Variants in NRG3 observed in about 807,000 individuals in gnomAD.
The protein encoded by NRG3 is neuregulin 3.
A neutral mutation model predicts 66.9 loss-of-function variants in NRG3; 31 were observed. That is an observed-to-expected ratio of 0.46 (90% confidence interval 0.35 to 0.63). NRG3 has a LOEUF of 0.63. NRG3 is among the 20% of genes least tolerant of loss of function. NRG3 has a pLI of 0.00. For missense variants in NRG3, 910 were observed against 878.9 expected (o/e 1.04, Z -0.45); for synonymous variants, 393 against 359.4 (o/e 1.09, Z -1.06).
At chr10:82,095,258 C>G (rs2132036728) in intron 1 of NRG3, among the ~76,000 whole-genome samples, 1 of 151,142 alleles carries the variant, frequency 6.6e-6, no homozygotes, top group Non-Finnish European at 1.5e-5. Flanking sequence ...TGTTTCTGTA[C>G]TTTTACATGG....
chr10:82,357,517 G>T (rs944188258), intron 1 of NRG3, among the ~76,000 whole-genome samples: 1 of 152,152 alleles, frequency 6.6e-6, no homozygotes, highest in African/African-American at 2.4e-5. Flanking sequence ...GAAGTCTAAG[G>T]TCAAGGGGCT....
At chr10:82,050,906 G>C (rs35995436) in intron 1 of NRG3, among the ~76,000 whole-genome samples, 36,435 of 149,620 alleles carry the variant, frequency 0.24, 4,499 homozygotes, top group Middle Eastern at 0.33. Flanking sequence ...TGCGTATCCA[G>C]CATTTCTATC....
chr10:82,632,501 T>C (rs2046891891), intron 2 of NRG3, among the ~76,000 whole-genome samples: 1 of 152,196 alleles, frequency 6.6e-6, no homozygotes. Context: ...TCAGCTCAAA[T>C]ATTCAATTTT....
At chr10:82,332,865 G>T (rs544186216) in intron 1 of NRG3, among the ~76,000 whole-genome samples, 1 of 152,290 alleles carries the variant, frequency 6.6e-6, no homozygotes, top group South Asian at 2.1e-4. Flanking sequence ...AATTAAATTA[G>T]AAGGATATAT....
intron 7 of NRG3, among the ~76,000 whole-genome samples, 177 bp from the exon 8 acceptor site, chr10:82,978,773 G>A (rs1852551288): frequency 6.6e-6 from 1 of 152,164 alleles, no homozygotes; most frequent in Non-Finnish European, 1.5e-5. Context: ...AAAATGGATT[G>A]GGCTATTCCT....
At chr10:81,934,667 T>A (rs148389125) in intron 1 of NRG3, among the ~76,000 whole-genome samples, 2 of 152,310 alleles carry the variant, frequency 1.3e-5, no homozygotes, top group East Asian at 3.9e-4. Flanking sequence ...AAGAGTAAAA[T>A]TTTAAGTAAA....
chr10:82,810,437 A>G (rs954977322), intron 3 of NRG3, among the ~76,000 whole-genome samples: 3 of 152,148 alleles, frequency 2.0e-5, no homozygotes, highest in Non-Finnish European at 4.4e-5. Context: ...GGACTGGATT[A>G]GTATGTGACT....
chr10:82,434,038 G>A (rs1014958869), intron 2 of NRG3, among the ~76,000 whole-genome samples: 2 of 152,082 alleles, frequency 1.3e-5, no homozygotes, highest in African/African-American at 4.8e-5. Context: ...ATTGCTTTGG[G>A]GAGTTTGGCC....
chr10:82,209,893 A>G (rs1423810871), intron 1 of NRG3, among the ~76,000 whole-genome samples: 1 of 152,172 alleles, frequency 6.6e-6, no homozygotes, highest in Non-Finnish European at 1.5e-5. Context: ...CGTGTGAAGC[A>G]TGTGGCTTTT....
chr10:82,067,591 G>A (rs12772844), intron 1 of NRG3, among the ~76,000 whole-genome samples: 2 of 152,232 alleles, frequency 1.3e-5, no homozygotes, highest in African/African-American at 2.4e-5. Flanking sequence ...CAGGTGATCC[G>A]CCTGCCTTGG....
At chr10:81,940,402 A>C (rs2133088252) in intron 1 of NRG3, among the ~76,000 whole-genome samples, 1 of 152,176 alleles carries the variant, frequency 6.6e-6, no homozygotes. Context: ...GCTGGGGTAC[A>C]ATACATAATC....
chr10:82,224,117 G>A (rs780028285), intron 1 of NRG3: 1 of 152,156 alleles, frequency 6.6e-6, no homozygotes, highest in Non-Finnish European at 1.5e-5. Context: ...GGACAATTGT[G>A]TATTTATTTA....
chr10:82,735,747 G>T (rs528186634), intron 2 of NRG3, among the ~76,000 whole-genome samples: 3 of 152,172 alleles, frequency 2.0e-5, no homozygotes, highest in Non-Finnish European at 4.4e-5. Context: ...ACACACCGGG[G>T]CCTGTCAGGG....
intron 2 of NRG3, among the ~76,000 whole-genome samples, chr10:82,551,329 T>G (rs1175579186): frequency 2.0e-5 from 3 of 152,132 alleles, no homozygotes; most frequent in Admixed American, 1.3e-4. Context: ...CACTTTGTAT[T>G]TAAAAAAAAT....
At chr10:82,846,958 T>C (rs1322174976) in intron 3 of NRG3, among the ~76,000 whole-genome samples, 2 of 152,142 alleles carry the variant, frequency 1.3e-5, no homozygotes. Flanking sequence ...TTGAGTAAAT[T>C]GTGGGTTTTG....
chr10:82,047,251 G>A (rs931819259), intron 1 of NRG3, among the ~76,000 whole-genome samples: 2 of 152,020 alleles, frequency 1.3e-5, no homozygotes, highest in East Asian at 3.9e-4. Context: ...TTCAGAGAAC[G>A]CCACAAAGAT....
At chr10:82,475,291 T>A (rs1453083936) in intron 2 of NRG3, among the ~76,000 whole-genome samples, 4 of 152,042 alleles carry the variant, frequency 2.6e-5, no homozygotes. Context: ...CCAATTTTAT[T>A]GAAATACAAA....
At chr10:82,213,767 C>T (rs2075520167) in intron 1 of NRG3, among the ~76,000 whole-genome samples, 1 of 152,176 alleles carries the variant, frequency 6.6e-6, no homozygotes, top group Admixed American at 6.6e-5. Context: ...CATTACCTTA[C>T]TATGTCACAT....
chr10:82,649,028 GC>G (rs1204698138), intron 2 of NRG3, among the ~76,000 whole-genome samples: 2 of 152,058 alleles, frequency 1.3e-5, no homozygotes, highest in African/African-American at 4.8e-5. Flanking sequence ...TACCGAATGG[GC>G]AAAAACTGGA....
Sources: allele counts gnomAD v4.1 joint callset (sites outside exome capture counted in the v4.1 genomes callset), GRCh38; gene constraint gnomAD v4.1.1; transcripts MANE v1.5; gene names NCBI Gene and HGNC (gene_info 2026-07-23, HGNC 2026-07-21).